Variants in PRKG1 observed in about 807,000 individuals in gnomAD.
The protein encoded by PRKG1 is cGMP-dependent protein kinase 1.
A neutral mutation model predicts 88.1 loss-of-function variants in PRKG1; 35 were observed. The ratio of observed to expected loss-of-function variants is 0.40; its 90% confidence interval spans 0.30 to 0.53. PRKG1 has a LOEUF of 0.53. Ranked by LOEUF, PRKG1 falls within the 20% of genes least tolerant of loss-of-function variation. PRKG1 has a pLI of 0.59. For synonymous variants in PRKG1, 303 were observed against 292.5 expected (o/e 1.04, Z -0.37); for missense variants, 540 against 839.8 (o/e 0.64, Z 4.41).
At chr10:51,042,062 T>C (rs1052763576) in intron 1 of PRKG1, among the ~76,000 whole-genome samples, 3 of 152,140 alleles carry the variant, frequency 2.0e-5, no homozygotes, top group African/African-American at 7.2e-5. Flanking sequence ...TTTTCTTCTT[T>C]CTGCACACAC....
intron 5 of PRKG1, among the ~76,000 whole-genome samples, chr10:52,017,784 A>T (rs935531425): frequency 1.1e-4 from 16 of 152,146 alleles, no homozygotes; most frequent in African/African-American, 3.1e-4. Context: ...GGGATTCTAG[A>T]CAATGGAAAG....
At chr10:51,734,301 G>A (rs1331364033) in intron 3 of PRKG1, among the ~76,000 whole-genome samples, 1 of 152,066 alleles carries the variant, frequency 6.6e-6, no homozygotes, top group African/African-American at 2.4e-5. Flanking sequence ...TTTAAAATAA[G>A]GTTAGAAGTG....
At chr10:51,338,684 A>G (rs1478793382) in intron 2 of PRKG1, among the ~76,000 whole-genome samples, 1 of 152,220 alleles carries the variant, frequency 6.6e-6, no homozygotes, top group African/African-American at 2.4e-5. Context: ...TAAAGTAGTT[A>G]TCATTAGTCT....
At chr10:51,687,369 T>A (rs902091293) in intron 3 of PRKG1, among the ~76,000 whole-genome samples, 1 of 152,204 alleles carries the variant, frequency 6.6e-6, no homozygotes, top group Non-Finnish European at 1.5e-5. Flanking sequence ...TTTGACACTT[T>A]AGAATACTTA....
intron 2 of PRKG1, among the ~76,000 whole-genome samples, chr10:51,209,154 T>G (rs74133539): frequency 0.035 from 5,261 of 152,242 alleles, 296 homozygotes; most frequent in African/African-American, 0.12. Context: ...AGATATTGTT[T>G]TGACTAGTGT....
At chr10:51,190,381 C>A (rs1837601387) in intron 2 of PRKG1, among the ~76,000 whole-genome samples, 1 of 151,832 alleles carries the variant, frequency 6.6e-6, no homozygotes, top group South Asian at 2.1e-4. Context: ...AAAATCTAGA[C>A]AATCATAAAT....
intron 3 of PRKG1, among the ~76,000 whole-genome samples, chr10:51,586,196 G>C (rs1246572153): frequency 1.3e-5 from 2 of 151,984 alleles, no homozygotes; most frequent in Non-Finnish European, 2.9e-5. Flanking sequence ...TGGAAGCCTT[G>C]AAATCCAAGA....
At chr10:51,782,192 C>T (rs774956907) in intron 3 of PRKG1, among the ~76,000 whole-genome samples, 5 of 152,060 alleles carry the variant, frequency 3.3e-5, no homozygotes, top group Non-Finnish European at 5.9e-5. Flanking sequence ...TACAGATGGT[C>T]CTCAACTTAC....
intron 2 of PRKG1, among the ~76,000 whole-genome samples, chr10:51,270,688 T>A (rs1839956127): frequency 6.6e-6 from 1 of 152,120 alleles, no homozygotes. Context: ...AAATAACTGA[T>A]AAAAATCAAC....
intron 3 of PRKG1, among the ~76,000 whole-genome samples, chr10:51,523,953 G>A (rs957681468): frequency 1.3e-5 from 2 of 152,144 alleles, no homozygotes; most frequent in Admixed American, 6.5e-5. Flanking sequence ...GGGGCCTGGC[G>A]GGTGATTGCA....
At chr10:52,065,524 C>T (rs868346965) in intron 7 of PRKG1, among the ~76,000 whole-genome samples, 14 of 150,494 alleles carry the variant, frequency 9.3e-5, no homozygotes, top group Non-Finnish European at 1.0e-4. Flanking sequence ...CTTTCTATTT[C>T]ACAGCTTAAT....
At position 52,024,139 on chromosome 10, in the gene PRKG1, A is replaced by T. The variant is rs535525577; in HGVS notation, c.763-30345A>T. Among the ~76,000 whole-genome samples the T allele has an allele frequency of 8.5e-5, 13 of 152,226 alleles. No individual in the cohort carries two copies. The South Asian group carries it at 2.5e-3, about 29-fold the overall frequency. On this transcript the variant is annotated intron_variant, in intron 5 of 17. Coordinates refer to ENST00000373980, the MANE Select transcript of PRKG1 (RefSeq NM_006258.4). Reference sequence around the variant, plus strand: ...CCACTGCTCAAGGAAATAAGAGAGGATACAAACAAATGGAAAAACATTCCA... The same window carrying T: ...CCACTGCTCAAGGAAATAAGAGAGGTTACAAACAAATGGAAAAACATTCCA...
intron 3 of PRKG1, among the ~76,000 whole-genome samples, chr10:51,738,690 G>A (rs1837355012): frequency 6.6e-6 from 1 of 152,076 alleles, no homozygotes; most frequent in Admixed American, 6.6e-5. Flanking sequence ...CACAATCTGT[G>A]TCCCTTGGCA....
intron 3 of PRKG1, among the ~76,000 whole-genome samples, chr10:51,624,420 T>C (rs1032169506): frequency 2.6e-5 from 4 of 152,276 alleles, no homozygotes; most frequent in Admixed American, 2.6e-4. Flanking sequence ...TCGGTCTCTA[T>C]AATAAACAGA....
At chr10:51,442,524 T>A (rs1839146443) in intron 2 of PRKG1, among the ~76,000 whole-genome samples, 1 of 151,990 alleles carries the variant, frequency 6.6e-6, no homozygotes. Flanking sequence ...ACTGAATTTA[T>A]CAATGACAGT....
At chr10:51,241,784 C>A (rs1472064909) in intron 2 of PRKG1, among the ~76,000 whole-genome samples, 1 of 152,120 alleles carries the variant, frequency 6.6e-6, no homozygotes, top group East Asian at 1.9e-4. Flanking sequence ...TTCTCCCTGT[C>A]CTGTGCTGTC....
intron 5 of PRKG1, among the ~76,000 whole-genome samples, chr10:52,046,165 A>G (rs1431732234): frequency 6.6e-6 from 1 of 152,134 alleles, no homozygotes; most frequent in Non-Finnish European, 1.5e-5. Flanking sequence ...TAGATTGTTC[A>G]GAGGTTGAAG....
intron 3 of PRKG1, among the ~76,000 whole-genome samples, chr10:51,515,761 C>A (rs1168013021): frequency 1.3e-5 from 2 of 152,222 alleles, no homozygotes; most frequent in East Asian, 1.9e-4. Context: ...CAACAGGGGT[C>A]CCCTGTTTAT....
chr10:51,706,693 G>A (rs1841612719), intron 3 of PRKG1, among the ~76,000 whole-genome samples: 1 of 152,088 alleles, frequency 6.6e-6, no homozygotes, highest in Admixed American at 6.6e-5. Flanking sequence ...AAGGAATTAA[G>A]AGCACAGAGA....
Sources: allele counts gnomAD v4.1 joint callset (sites outside exome capture counted in the v4.1 genomes callset), GRCh38; gene constraint gnomAD v4.1.1; transcripts MANE v1.5; gene names NCBI Gene and HGNC (gene_info 2026-07-23, HGNC 2026-07-21).